The following ENTREP2 variants were observed in gnomAD, a reference collection of about 807,000 sequenced individuals.
ENTREP2 encodes endosomal transmembrane epsin interactor 2, also known as protein ENTREP2.
At chr15:29,313,838 A>G in the ENTREP2 span, among the ~76,000 whole-genome samples, 7 of 152,232 alleles carry the variant, frequency 4.6e-5, no homozygotes, top group Non-Finnish European at 8.8e-5. Context: ...GTAAATTGAC[A>G]ACCTTCTGGA....
chr15:29,543,970 G>A, the ENTREP2 span, among the ~76,000 whole-genome samples: 2 of 151,526 alleles, frequency 1.3e-5, no homozygotes. Context: ...TACTAGAGCT[G>A]TTTAAACACA....
chr15:29,391,189 C>T, the ENTREP2 span, among the ~76,000 whole-genome samples: 1 of 151,958 alleles, frequency 6.6e-6, no homozygotes, highest in Non-Finnish European at 1.5e-5. Context: ...CCTTTGAGGA[C>T]ACACTCATTG....
chr15:29,340,897 C>A, the ENTREP2 span, among the ~76,000 whole-genome samples: 1 of 152,200 alleles, frequency 6.6e-6, no homozygotes, highest in African/African-American at 2.4e-5. Context: ...TATCCTCCCC[C>A]CAACCCCAGT....
chr15:29,591,413 G>A, the ENTREP2 span, among the ~76,000 whole-genome samples: 1 of 152,126 alleles, frequency 6.6e-6, no homozygotes, highest in African/African-American at 2.4e-5. Flanking sequence ...CCCATATGTA[G>A]GGCAGTGACC....
chr15:29,190,936 C>T, the ENTREP2 span, among the ~76,000 whole-genome samples: 2 of 152,116 alleles, frequency 1.3e-5, no homozygotes, highest in Admixed American at 6.5e-5. Context: ...TTTAGCTAAG[C>T]GTCAAGAACA....
the ENTREP2 span, among the ~76,000 whole-genome samples, chr15:29,369,951 G>A: frequency 6.6e-6 from 1 of 152,204 alleles, no homozygotes; most frequent in African/African-American, 2.4e-5. Flanking sequence ...ATGTTTGGAG[G>A]AAGCACAAGG....
At chr15:29,218,309 T>G in the ENTREP2 span, among the ~76,000 whole-genome samples, 3 of 152,178 alleles carry the variant, frequency 2.0e-5, no homozygotes, top group East Asian at 5.8e-4. Context: ...GCCCTAGAAC[T>G]CCTAAGAGTA....
At chr15:29,447,929 G>A in the ENTREP2 span, among the ~76,000 whole-genome samples, 1 of 152,022 alleles carries the variant, frequency 6.6e-6, no homozygotes, top group Non-Finnish European at 1.5e-5. Flanking sequence ...AGCTGGGCGT[G>A]GTGGCAAGTG....
the ENTREP2 span, among the ~76,000 whole-genome samples, chr15:29,665,316 C>A: frequency 2.0e-5 from 3 of 152,238 alleles, no homozygotes; most frequent in African/African-American, 7.2e-5. Context: ...ACTTACAGAG[C>A]AGCTGCTGGG....
the ENTREP2 span, among the ~76,000 whole-genome samples, chr15:29,659,787 C>T: frequency 1.5e-4 from 22 of 150,034 alleles, no homozygotes; most frequent in South Asian, 1.7e-3. Flanking sequence ...TTCCATTGCA[C>T]GAATATGCCA....
At chr15:29,668,357 C>T in the ENTREP2 span, among the ~76,000 whole-genome samples, 1 of 152,110 alleles carries the variant, frequency 6.6e-6, no homozygotes, top group Non-Finnish European at 1.5e-5. Flanking sequence ...CAGTTTGGTG[C>T]GTCCTCAAAA....
At chr15:29,413,309 TTC>T in the ENTREP2 span, among the ~76,000 whole-genome samples, 1 of 152,216 alleles carries the variant, frequency 6.6e-6, no homozygotes, top group Non-Finnish European at 1.5e-5. Flanking sequence ...ATTTTTAATT[TTC>T]TGTCTGATAG....
chr15:29,139,569 G>A, the ENTREP2 span, among the ~76,000 whole-genome samples: 1 of 152,176 alleles, frequency 6.6e-6, no homozygotes, highest in Non-Finnish European at 1.5e-5. Flanking sequence ...CCAATTCAAG[G>A]CACCATTCCA....
At chr15:29,251,636 T>A in the ENTREP2 span, among the ~76,000 whole-genome samples, 1 of 152,000 alleles carries the variant, frequency 6.6e-6, no homozygotes, top group African/African-American at 2.4e-5. Flanking sequence ...GCCAAAAGAC[T>A]GAATACCTCT....
the ENTREP2 span, among the ~76,000 whole-genome samples, chr15:29,552,151 T>C: frequency 1.3e-5 from 2 of 152,194 alleles, no homozygotes; most frequent in Admixed American, 6.5e-5. Context: ...CCTCAAGATA[T>C]GGCCTAAAAT....
the ENTREP2 span, among the ~76,000 whole-genome samples, chr15:29,228,183 G>A: frequency 4.6e-5 from 7 of 152,228 alleles, no homozygotes; most frequent in East Asian, 7.7e-4. Context: ...GCTGGGCATG[G>A]TGGCGGGCGC....
chr15:29,407,160 G>C, the ENTREP2 span, among the ~76,000 whole-genome samples: 1 of 152,208 alleles, frequency 6.6e-6, no homozygotes, highest in Admixed American at 6.5e-5. Flanking sequence ...TACATACCTA[G>C]GCTGTATGGT....
chr15:29,454,563 T>C, the ENTREP2 span, among the ~76,000 whole-genome samples: 1 of 152,188 alleles, frequency 6.6e-6, no homozygotes, highest in South Asian at 2.1e-4. Flanking sequence ...ACGTGCAGGA[T>C]AATGAGAATG....
At chr15:29,126,165 A>T in the ENTREP2 span, 1 of 950,888 alleles carries the variant, frequency 1.1e-6, no homozygotes. Context: ...CCCAGACAGG[A>T]TCTGCAGGGC....
Sources: allele counts gnomAD v4.1 joint callset (sites outside exome capture counted in the v4.1 genomes callset), GRCh38; gene constraint gnomAD v4.1.1; transcripts MANE v1.5; gene names NCBI Gene and HGNC (gene_info 2026-07-23, HGNC 2026-07-21).